UNC13C: variants seen among roughly 807,000 people sequenced by gnomAD.
UNC13C encodes protein unc-13 homolog C.
Under a neutral mutation model 245.4 loss-of-function variants are expected in UNC13C, and 174 were observed. The ratio of observed to expected loss-of-function variants is 0.71; its 90% CI spans 0.63 to 0.80. The LOEUF (loss-of-function observed/expected upper bound fraction) is 0.80. Among genes scored for constraint, UNC13C ranks in the 30% least tolerant of loss-of-function variants. The pLI, the probability that UNC13C is intolerant of heterozygous loss-of-function variation, is 0.00. For missense variants in UNC13C, 2,829 were observed against 2,602.9 expected (o/e 1.09, Z -1.89); for synonymous variants, 992 against 895.1 (o/e 1.11, Z -1.93).
At position 54,466,092 on chromosome 15, in the gene UNC13C, G is replaced by C. The variant is rs1892148733; in HGVS notation, c.4934-28516G>C. Among the ~76,000 whole-genome samples, 3 of 151,922 alleles carry C rather than the reference G, an allele frequency of 2.0e-5. No homozygotes were observed. The South Asian group carries it at 6.2e-4, about 31-fold the overall frequency. On this transcript the variant is annotated intron_variant, in intron 19 of 32. Transcript: ENST00000260323. The stretch of plus-strand genomic sequence containing the variant: ...TTTAATGAAATAAACTAAGCACAGA[G>C]AGTCAAATTTTGCATGTTCTCACTC...
At chr15:54,132,771 G>A (rs1319117239) in intron 2 of UNC13C, among the ~76,000 whole-genome samples, 3 of 152,146 alleles carry the variant, frequency 2.0e-5, no homozygotes, top group Non-Finnish European at 4.4e-5. Flanking sequence ...GACAAATAGA[G>A]CAAACTGTTT....
intron 24 of UNC13C, among the ~76,000 whole-genome samples, chr15:54,514,202 A>G (rs1412025369): frequency 6.6e-6 from 1 of 152,182 alleles, no homozygotes; most frequent in Non-Finnish European, 1.5e-5. Context: ...AAAGGATTTG[A>G]TTGAAAATTA....
At position 54,062,366 on chromosome 15, in the gene UNC13C, T is replaced by A. The variant is rs115854861; in HGVS notation, c.2983+46480T>A. Among the ~76,000 whole-genome samples the A allele has an allele frequency of 2.0e-3, 308 of 151,798 alleles. 2 individuals carry two copies. The highest frequency in any genetic ancestry group is 7.1e-3 in the African/African-American group (293 of 41,406). ...ATCTCCATCCTCTGTGTGATTCTCC[T>A]AACATGGCAGAGGTCGTAGTTTCCT... On this transcript the variant is annotated intron_variant, in intron 2 of 32. Coordinates refer to ENST00000260323, the MANE Select transcript of UNC13C (RefSeq NM_001080534.3).
intron 2 of UNC13C, among the ~76,000 whole-genome samples, chr15:54,051,655 TA>T (rs1240821901): frequency 6.0e-5 from 9 of 150,644 alleles, no homozygotes; most frequent in Admixed American, 1.3e-4. Flanking sequence ...TTTATTTATT[TA>T]TTTATTTATT....
intron 17 of UNC13C, among the ~76,000 whole-genome samples, chr15:54,369,229 T>C (rs2140879631): frequency 6.6e-6 from 1 of 151,208 alleles, no homozygotes; most frequent in Non-Finnish European, 1.5e-5. Flanking sequence ...CTAGAGGACA[T>C]CAGTTGAATG....
chr15:54,484,153 G>A (rs958532243), intron 19 of UNC13C, among the ~76,000 whole-genome samples: 1 of 152,000 alleles, frequency 6.6e-6, no homozygotes, highest in Non-Finnish European at 1.5e-5. Context: ...ATTCATACCT[G>A]GCAAGCAACT....
At chr15:54,434,390 A>G (rs1378750396) in intron 19 of UNC13C, among the ~76,000 whole-genome samples, 3 of 152,136 alleles carry the variant, frequency 2.0e-5, no homozygotes, top group Admixed American at 6.6e-5. Flanking sequence ...AACCAGATGT[A>G]TAGACCAATG....
At chr15:53,882,042 G>A in the UNC13C span, among the ~76,000 whole-genome samples, 10 of 152,154 alleles carry the variant, frequency 6.6e-5, no homozygotes, top group South Asian at 2.1e-4. Context: ...TATCCAGAAC[G>A]TGCATGATTG....
chr15:54,263,616 A>G (rs2036481644), intron 8 of UNC13C, among the ~76,000 whole-genome samples: 1 of 152,202 alleles, frequency 6.6e-6, no homozygotes, highest in Non-Finnish European at 1.5e-5. Context: ...GTGTTCTATC[A>G]GTTACATTAT....
chr15:54,210,853 C>A (rs1181424284), intron 4 of UNC13C, among the ~76,000 whole-genome samples: 1 of 152,080 alleles, frequency 6.6e-6, no homozygotes, highest in Non-Finnish European at 1.5e-5. Context: ...TGGAGGTGGG[C>A]CTTTGTGGAT....
the UNC13C span, among the ~76,000 whole-genome samples, chr15:53,922,528 T>C: frequency 6.6e-6 from 1 of 152,240 alleles, no homozygotes; most frequent in Non-Finnish European, 1.5e-5. Flanking sequence ...CTTTCGTACT[T>C]ACCTCCATTC....
At chr15:54,086,523 G>C (rs1448510099) in intron 2 of UNC13C, among the ~76,000 whole-genome samples, 1 of 152,094 alleles carries the variant, frequency 6.6e-6, no homozygotes, top group East Asian at 1.9e-4. Flanking sequence ...AGGCAGGTTT[G>C]ATACTCCTTT....
At chr15:54,563,011 CAAAT>C (rs1353377524) in intron 29 of UNC13C, among the ~76,000 whole-genome samples, 1 of 152,004 alleles carries the variant, frequency 6.6e-6, no homozygotes, top group African/African-American at 2.4e-5. Flanking sequence ...AATTTGAAAG[CAAAT>C]AAATCTTTAT....
At chr15:53,873,857 C>CTCTG in the UNC13C span, among the ~76,000 whole-genome samples, 50 of 81,460 alleles carry the variant, frequency 6.1e-4, no homozygotes, top group African/African-American at 1.5e-3. Context: ...ATCTATCCCT[C>CTCTG]TCTCTCTCTC....
chr15:54,370,614 A>C (rs1278964305), intron 17 of UNC13C, among the ~76,000 whole-genome samples: 2 of 152,172 alleles, frequency 1.3e-5, no homozygotes, highest in African/African-American at 4.8e-5. Flanking sequence ...TTGATAAAAC[A>C]TGAATATGGT....
chr15:53,889,499 CAG>C, the UNC13C span, among the ~76,000 whole-genome samples: 1 of 152,206 alleles, frequency 6.6e-6, no homozygotes, highest in East Asian at 1.9e-4. Context: ...CATCTGCAAA[CAG>C]AGACAATTTG....
At chr15:53,866,691 T>C in the UNC13C span, among the ~76,000 whole-genome samples, 1 of 152,192 alleles carries the variant, frequency 6.6e-6, no homozygotes, top group Non-Finnish European at 1.5e-5. Context: ...TTCAAGACAT[T>C]GAAGCTACTG....
intron 19 of UNC13C, among the ~76,000 whole-genome samples, chr15:54,453,034 A>G (rs1243563349): frequency 6.6e-6 from 1 of 152,178 alleles, no homozygotes; most frequent in Non-Finnish European, 1.5e-5. Context: ...TAGGTTCTCA[A>G]AATGGCACCA....
chr15:53,867,315 CA>C, the UNC13C span, among the ~76,000 whole-genome samples: 3 of 151,938 alleles, frequency 2.0e-5, no homozygotes, highest in African/African-American at 4.8e-5. Context: ...ACAATAGGAA[CA>C]AAAAAACTAT....
Sources: allele counts gnomAD v4.1 joint callset (sites outside exome capture counted in the v4.1 genomes callset), GRCh38; gene constraint gnomAD v4.1.1; transcripts MANE v1.5; gene names NCBI Gene and HGNC (gene_info 2026-07-23, HGNC 2026-07-21).